KCNQ1: variants seen among roughly 807,000 people sequenced by gnomAD.
KCNQ1 encodes potassium voltage-gated channel subfamily KQT member 1.
In KCNQ1, 49 loss-of-function variants were observed where a neutral mutation model predicts 72.4. That is an observed-to-expected ratio of 0.68 (90% CI 0.54 to 0.86). The LOEUF (loss-of-function observed/expected upper bound fraction) is 0.86, where lower values mean the gene tolerates loss of function less well. Ranked by LOEUF, KCNQ1 falls within the 40% of genes least tolerant of loss-of-function variation. The pLI is 0.00. For missense variants in KCNQ1, 790 were observed against 945.1 expected (o/e 0.84, Z 2.15); for synonymous variants, 450 against 412.6 (o/e 1.09, Z -1.10).
chr11:2,660,329 A>G (rs1849929207), intron 10 of KCNQ1: 1 of 398,392 alleles, frequency 2.5e-6, no homozygotes, highest in African/African-American at 2.1e-5. Context: ...ACATTCAAAT[A>G]GTGAAATTAG....
intron 1 of KCNQ1, among the ~76,000 whole-genome samples, chr11:2,525,047 A>G (rs187672638): frequency 1.8e-4 from 28 of 151,950 alleles, no homozygotes; most frequent in African/African-American, 6.5e-4. Context: ...TGGCGGAGGG[A>G]GCCCTGGTAG....
rs1015602412 is a variant in KCNQ1, at chr11:2,593,262, G to T, written c.1393+4408G>T. On this transcript the variant is annotated intron_variant, in intron 10 of 15. Transcript: ENST00000155840. The surrounding 1 kb of genome is among the most constrained non-coding windows in gnomAD (Gnocchi z 6.9). ...CCTCCTGAATGCCCCTAGGAGGCCA[G>T]AGGAGACTTCCCCAAATTCACTGGT... 6.6e-6 allele frequency among the ~76,000 whole-genome samples: 1 copy of T among 152,240 alleles called. No homozygotes were observed. Among genetic ancestry groups the T allele is most frequent in the Non-Finnish European group, 1.5e-5 (1 of 68,038 alleles).
chr11:2,740,780 A>G (rs1846038096), intron 11 of KCNQ1, among the ~76,000 whole-genome samples: 1 of 152,176 alleles, frequency 6.6e-6, no homozygotes. Flanking sequence ...GCTGCGGCTC[A>G]TGGCATCCTC....
chr11:2,640,170 C>T lies in KCNQ1; in HGVS notation c.1394-21791C>T, dbSNP rs957551114. On this transcript the variant is annotated intron_variant, in intron 10 of 15. Coordinates refer to ENST00000155840, the MANE Select transcript of KCNQ1 (RefSeq NM_000218.3). ...TTGTGCTTCCCAGGTGAGGCGATGC[C>T]TCGCCCTACTTCGTCTCACACTCAG... 11 of 381,172 alleles carry T rather than the reference C, an allele frequency of 2.9e-5. No homozygotes were observed. The Admixed American group carries it at 3.2e-4, about 11-fold the overall frequency. 23.6% of individuals were successfully genotyped at this position (381,172 alleles called of 1,614,324 possible).
In KCNQ1 at chr11:2,515,510, G is replaced by T. The variant is rs536610241; in HGVS notation, c.387-12418G>T. Among the ~76,000 whole-genome samples the T allele has an allele frequency of 6.8e-6, 1 of 147,040 alleles. No individual in the cohort carries two copies. The highest frequency in any genetic ancestry group is 1.5e-5 in the Non-Finnish European group (1 of 66,760). On this transcript the variant is annotated intron_variant, in intron 1 of 15. Coordinates refer to ENST00000155840, the MANE Select transcript of KCNQ1 (RefSeq NM_000218.3). This position sits in a 1 kb window ranked among gnomAD's most constrained non-coding sequence, Gnocchi z 4.7. ...CCCTCTGCTCCAGGACAGCGCAGCCGCCATCAGTGGGGGTGAGGGGACAAG... is the reference window on the plus strand; with the variant it reads ...CCCTCTGCTCCAGGACAGCGCAGCCTCCATCAGTGGGGGTGAGGGGACAAG...
chr11:2,794,954 A>G (rs1847101222), intron 15 of KCNQ1, among the ~76,000 whole-genome samples: 1 of 152,164 alleles, frequency 6.6e-6, no homozygotes, highest in African/African-American at 2.4e-5. Context: ...GGTATAGCTC[A>G]TCACACCCCC....
chr11:2,642,909 C>G lies in KCNQ1; in HGVS notation c.1394-19052C>G. 1 of 397,846 alleles carries G rather than the reference C, an allele frequency of 2.5e-6. No homozygotes were observed. Among genetic ancestry groups the G allele is most frequent in the Admixed American group, 4.4e-5 (1 of 22,696 alleles). The allele number at this position is 397,846 out of a possible 1,614,324, so 24.6% of individuals were successfully genotyped here. A position where few individuals can be genotyped will look rare whatever the true frequency, so the allele number is the denominator to read the frequency against. ...AAATTTTTTATTTCTGCCTTAATTTCTTCTTTGACCCATTGGTCATTCAGG... is the reference window on the plus strand; with the variant it reads ...AAATTTTTTATTTCTGCCTTAATTTGTTCTTTGACCCATTGGTCATTCAGG... On this transcript the variant is annotated intron_variant, in intron 10 of 15. Transcript: ENST00000155840. This position sits in a 1 kb window ranked among gnomAD's most constrained non-coding sequence, Gnocchi z 4.3.
Position 2,809,615 on chromosome 11 carries a change from G to A in KCNQ1, c.1794+31578G>A. Among the ~76,000 whole-genome samples, 1 of 152,120 alleles carries A rather than the reference G, an allele frequency of 6.6e-6. No individual in the cohort carries two copies. The highest frequency in any genetic ancestry group is 2.1e-4 in the South Asian group (1 of 4,834). On this transcript the variant is annotated intron_variant, in intron 15 of 15. Transcript: ENST00000155840. This position sits in a 1 kb window ranked among gnomAD's most constrained non-coding sequence, Gnocchi z 7.1. ...TCCAGTTGGACTCATCTCCTGACTG[G>A]TTGGGTTTCTGCCTCGGTCGCTGAC...
At chr11:2,731,833 G>C (rs2283216) in intron 11 of KCNQ1, among the ~76,000 whole-genome samples, 1 of 152,224 alleles carries the variant, frequency 6.6e-6, no homozygotes, top group African/African-American at 2.4e-5. Flanking sequence ...CACTCAGCTA[G>C]AGCGTCTGAT....
At chr11:2,753,185 A>C (rs952520872) in intron 11 of KCNQ1, among the ~76,000 whole-genome samples, 1 of 152,188 alleles carries the variant, frequency 6.6e-6, no homozygotes, top group African/African-American at 2.4e-5. Flanking sequence ...ATGTCATTAC[A>C]TGAGCAGTAG....
chr11:2,445,506 G>T, intron 1 of KCNQ1, 22 bp downstream of exon 1: 1 of 1,588,358 alleles, frequency 6.3e-7, no homozygotes, highest in Non-Finnish European at 8.5e-7. Flanking sequence ...CACCGGCGAC[G>T]GCCGGCACGA....
intron 11 of KCNQ1, among the ~76,000 whole-genome samples, chr11:2,737,629 A>G (rs1319854562): frequency 6.6e-6 from 1 of 152,224 alleles, no homozygotes; most frequent in Non-Finnish European, 1.5e-5. Context: ...ACGGCGAAGA[A>G]GCTTTGTGTA....
In KCNQ1 at chr11:2,642,633, C is replaced by T. The variant is rs1464546030; in HGVS notation, c.1394-19328C>T. 2.0e-5 allele frequency: 8 copies of T among 397,454 alleles called. No homozygotes were observed. The highest frequency in any genetic ancestry group is 3.1e-5 in the Non-Finnish European group (7 of 225,594). 24.6% of individuals were successfully genotyped at this position (397,454 alleles called of 1,614,324 possible). A position where few individuals can be genotyped will look rare whatever the true frequency, so the allele number is the denominator to read the frequency against. Reference sequence around the variant, plus strand: ...AAAACCGATTTTGCATTTCATTGATCCTTTATATTTATTTAGTTTCTTGTT... The same window carrying T: ...AAAACCGATTTTGCATTTCATTGATTCTTTATATTTATTTAGTTTCTTGTT... On this transcript the variant is annotated intron_variant, in intron 10 of 15. Transcript: ENST00000155840. The surrounding 1 kb of genome is among the most constrained non-coding windows in gnomAD (Gnocchi z 4.3).
In KCNQ1 at chr11:2,564,555, A is replaced by G. The variant is rs559349017; in HGVS notation, c.478-6073A>G. 3.5e-4 allele frequency among the ~76,000 whole-genome samples: 54 copies of G among 152,370 alleles called. No homozygotes were observed. The highest frequency in any genetic ancestry group is 1.3e-3 in the African/African-American group (54 of 41,586). On this transcript the variant is annotated intron_variant, in intron 2 of 15. Coordinates refer to ENST00000155840, the MANE Select transcript of KCNQ1 (RefSeq NM_000218.3). The surrounding 1 kb of genome is among the most constrained non-coding windows in gnomAD (Gnocchi z 4.5). Reference sequence around the variant, plus strand: ...GGTTGCAGTGAGCTGAGATGGTGCCACTGCACTCCTGCCTGGGCAACAGAG... The same window carrying G: ...GGTTGCAGTGAGCTGAGATGGTGCCGCTGCACTCCTGCCTGGGCAACAGAG...
intron 1 of KCNQ1, among the ~76,000 whole-genome samples, chr11:2,465,280 T>C (rs1846335885): frequency 6.6e-6 from 1 of 152,196 alleles, no homozygotes; most frequent in African/African-American, 2.4e-5. Flanking sequence ...TGACCCCTTC[T>C]CCAAGGCCTG....
chr11:2,545,802 A>G (rs891141988), intron 2 of KCNQ1, among the ~76,000 whole-genome samples: 2 of 152,208 alleles, frequency 1.3e-5, no homozygotes, highest in Non-Finnish European at 2.9e-5. Context: ...TTGTATTGGC[A>G]TAAAGTTTTT....
intron 15 of KCNQ1, among the ~76,000 whole-genome samples, chr11:2,838,460 CTGACAG>C (rs1310742031): frequency 3.3e-5 from 1 of 30,262 alleles, no homozygotes; most frequent in Non-Finnish European, 2.4e-4. Flanking sequence ...GAGCCTATGA[CTGACAG>C]GGGTCTGACT....
intron 15 of KCNQ1, among the ~76,000 whole-genome samples, chr11:2,837,752 A>G (rs771031939): frequency 6.6e-6 from 1 of 152,228 alleles, no homozygotes; most frequent in Non-Finnish European, 1.5e-5. Flanking sequence ...TGGATGCTCC[A>G]GGAGGCAGGG....
At position 2,651,825 on chromosome 11, in the gene KCNQ1, A is replaced by G. The variant is rs147859872; in HGVS notation, c.1394-10136A>G. On this transcript the variant is annotated intron_variant, in intron 10 of 15. Transcript: ENST00000155840. This position sits in a 1 kb window ranked among gnomAD's most constrained non-coding sequence, Gnocchi z 6.1. Reference sequence around the variant, plus strand: ...CCATTAGCATTGGAATGGAGCCCACAGGACCATACCAGACAGATGCCACCA... The same window carrying G: ...CCATTAGCATTGGAATGGAGCCCACGGGACCATACCAGACAGATGCCACCA... 433 of 398,638 alleles carry G rather than the reference A, an allele frequency of 1.1e-3. 3 individuals carry two copies. Among genetic ancestry groups the G allele is most frequent in the African/African-American group, 7.9e-3 (387 of 48,744 alleles). 24.7% of individuals were successfully genotyped at this position (398,638 alleles called of 1,614,324 possible).
Sources: gnomAD v4.1 joint callset for allele counts (sites outside exome capture counted in the v4.1 genomes callset) on GRCh38, gnomAD v4.1.1 for gene constraint, Gnocchi (gnomAD v3.1) non-coding constraint, MANE v1.5 for transcripts, NCBI Gene and HGNC (gene_info 2026-07-23, HGNC 2026-07-21) for gene names.